Variants in WNK1 observed in about 807,000 individuals in gnomAD.
The protein encoded by WNK1 is WNK lysine deficient protein kinase 1, also known as serine/threonine-protein kinase WNK1.
A neutral mutation model predicts 222.8 loss-of-function variants in WNK1; 38 were observed. The ratio of observed to expected loss-of-function variants is 0.17; its 90% CI spans 0.13 to 0.22. The LOEUF (loss-of-function observed/expected upper bound fraction) is 0.22, where lower values mean the gene tolerates loss of function less well. WNK1 is among the 10% of genes least tolerant of loss of function. The pLI is 1.00. For synonymous variants in WNK1, 1,090 were observed against 1,092.9 expected, an observed-to-expected ratio of 1.00 and a Z score of 0.05; for missense variants, 2,348 against 2,918.4, an observed-to-expected ratio of 0.80 and a Z score of 4.50.
intron 10 of WNK1, 96 bp from the exon 11 acceptor site, chr12:879,477 T>TTTTTTTTGGC: frequency 2.6e-6 from 2 of 782,210 alleles, no homozygotes; most frequent in Non-Finnish European, 3.8e-6. Flanking sequence ...TTCCTTCTTT[T>TTTTTTTTGGC]TGGCTAATAC....
At position 785,760 on chromosome 12, in the gene WNK1, T is replaced by A. The variant is rs1472151410; in HGVS notation, c.760-27882T>A. Reference sequence around the variant, plus strand: ...TTACTGATTTTAGTTGCTCTTTAATTTTATTTATTTATTTTTTTGCTTCCC... The same window carrying A: ...TTACTGATTTTAGTTGCTCTTTAATATTATTTATTTATTTTTTTGCTTCCC... On this transcript the variant is annotated intron_variant, in intron 1 of 27. Coordinates refer to ENST00000315939, the MANE Select transcript of WNK1 (RefSeq NM_018979.4). Among the ~76,000 whole-genome samples the A allele has an allele frequency of 2.0e-5, 3 of 152,192 alleles. No individual in the cohort carries two copies. The East Asian group carries it at 5.8e-4, about 29-fold the overall frequency.
At chr12:818,649 C>T (rs1947583231) in intron 2 of WNK1, among the ~76,000 whole-genome samples, 1 of 152,216 alleles carries the variant, frequency 6.6e-6, no homozygotes, top group African/African-American at 2.4e-5. Context: ...CCCTCAGCTC[C>T]TGACAACTAC....
intron 4 of WNK1, among the ~76,000 whole-genome samples, chr12:831,947 A>G (rs1391508702): frequency 6.6e-6 from 1 of 152,168 alleles, no homozygotes; most frequent in Non-Finnish European, 1.5e-5. Flanking sequence ...CGAGAAGCTC[A>G]TAGTATCTCA....
chr12:758,245 C>T (rs182036896), intron 1 of WNK1, among the ~76,000 whole-genome samples: 6 of 145,604 alleles, frequency 4.1e-5, no homozygotes, highest in Admixed American at 3.4e-4. Flanking sequence ...TTATTTTTCT[C>T]TGTCTTTTAT....
At position 753,887 on chromosome 12, in the gene WNK1, C is replaced by G. The variant is rs1451793795; in HGVS notation, c.322C>G (p.Pro108Ala). The G allele has an allele frequency of 6.2e-7, 1 of 1,611,978 alleles. No homozygotes were observed. Among genetic ancestry groups the G allele is most frequent in the Admixed American group, 1.7e-5 (1 of 59,940 alleles). ...TCTTTCCCTGCCCCAGCCCAGCATC[C>G]CCGCGGCTGTCCCGCAGAGTGCTCC... ...LPLSLPQPSI[P>A]AAVPQSAPPE... The change falls in exon 1 of 28, where the codon CCC becomes GCC. Residue 108 changes from proline (P) to alanine (A), a missense_variant. Physicochemically the swap from Pro to Ala is conservative, Grantham distance 27. Coordinates refer to ENST00000315939, the MANE Select transcript of WNK1 (RefSeq NM_018979.4). The surrounding 1 kb of genome is among the most constrained non-coding windows in gnomAD (Gnocchi z 5.2).
intron 8 of WNK1, among the ~76,000 whole-genome samples, chr12:870,408 T>C (rs1952042632): frequency 6.6e-6 from 1 of 152,226 alleles, no homozygotes; most frequent in Non-Finnish European, 1.5e-5. Context: ...ATAGTTAAGC[T>C]GCAGTGGAAT....
intron 3 of WNK1, among the ~76,000 whole-genome samples, chr12:829,650 C>G (rs1948642600): frequency 6.6e-6 from 1 of 152,046 alleles, no homozygotes; most frequent in South Asian, 2.1e-4. Context: ...TGCATAGTGT[C>G]TTTCCTTTTC....
chr12:763,248 G>A (rs983413412), intron 1 of WNK1, among the ~76,000 whole-genome samples: 1 of 147,292 alleles, frequency 6.8e-6, no homozygotes, highest in Admixed American at 6.7e-5. Flanking sequence ...TGTCCCATTC[G>A]AGATTTCATC....
chr12:792,791 T>A (rs1045984239), intron 1 of WNK1, among the ~76,000 whole-genome samples: 1 of 152,136 alleles, frequency 6.6e-6, no homozygotes, highest in Non-Finnish European at 1.5e-5. Context: ...TTCCAATTCT[T>A]CATGCTTTTA....
chr12:882,029 T>G lies in WNK1; in HGVS notation c.3328T>G (p.Ser1110Ala). The part of the protein sequence containing the change: ...RHYRKSVRSR[S>A]RHEKTSRPKL... ...TTACCGAAAATCTGTAAGGAGTCGC[T>G]CTCGACATGAAAAAACTTCACGCCC... The change falls in exon 14 of 28, where the codon TCT becomes GCT. Residue 1110 changes from serine (S) to alanine (A), a missense_variant. Transcript: ENST00000315939. 1 of 1,614,020 alleles carries G rather than the reference T, an allele frequency of 6.2e-7. No individual in the cohort carries two copies. The highest frequency in any genetic ancestry group is 8.5e-7 in the Non-Finnish European group (1 of 1,179,972).
chr12:894,496 C>G (rs1400037679), intron 22 of WNK1, 66 bp from the exon 23 acceptor site: 34 of 1,387,960 alleles, frequency 2.4e-5, no homozygotes, highest in Non-Finnish European at 1.1e-5. Flanking sequence ...GTATTTCTAG[C>G]TAAAGGGAAA....
intron 9 of WNK1, among the ~76,000 whole-genome samples, chr12:876,048 GT>G (rs1208560504): frequency 6.6e-6 from 1 of 152,228 alleles, no homozygotes; most frequent in East Asian, 1.9e-4. Flanking sequence ...GTTTATCTTA[GT>G]TTGCAGAAAA....
chr12:771,295 C>T (rs1314232540), intron 1 of WNK1, among the ~76,000 whole-genome samples: 2 of 151,970 alleles, frequency 1.3e-5, no homozygotes, highest in Non-Finnish European at 1.5e-5. Flanking sequence ...CTATGCCCGG[C>T]GCTTTATATT....
Position 879,876 on chromosome 12 carries a change from C to G in WNK1, c.2677C>G (p.Pro893Ala), listed in dbSNP as rs1206597194. 1.9e-6 allele frequency: 3 copies of G among 1,614,046 alleles called. No individual in the cohort carries two copies. The African/African-American group carries it at 4.0e-5, about 22-fold the overall frequency. ...GATCCCGGGGGTATCAACTGTGGTT[C>G]CTAGTCAGCTTCCAACCCTTCTGCA... ...AAIPGVSTVV[P>A]SQLPTLLQPV... The change falls in exon 11 of 28, where the codon CCT (proline) becomes GCT (alanine). Residue 893 changes from proline (P) to alanine (A), a missense_variant. Coordinates refer to ENST00000315939, the MANE Select transcript of WNK1 (RefSeq NM_018979.4).
Position 885,005 on chromosome 12 carries a change from C to G in WNK1, c.4201C>G (p.Pro1401Ala), listed in dbSNP as rs774176953. ...GVVTSGGLPIPPVSESPVLSS... is the reference protein window; with the variant it reads ...GVVTSGGLPIAPVSESPVLSS... ...GGTAACTTCAGGTGGTCTCCCCATA[C>G]CACCTGTGTCTGAATCACCAGTACT... The change falls in exon 19 of 28, where the codon CCA becomes GCA. Residue 1401 changes from proline (P) to alanine (A), a missense_variant. Coordinates refer to ENST00000315939, the MANE Select transcript of WNK1 (RefSeq NM_018979.4). 4 of 1,614,200 alleles carry G rather than the reference C, an allele frequency of 2.5e-6. No individual in the cohort carries two copies. The South Asian group carries it at 3.3e-5, about 13-fold the overall frequency.
At chr12:797,046 A>T (rs1022953173) in intron 1 of WNK1, among the ~76,000 whole-genome samples, 3 of 152,148 alleles carry the variant, frequency 2.0e-5, no homozygotes, top group African/African-American at 7.2e-5. Context: ...AACAATTCCC[A>T]GACTTTATTT....
Position 865,057 on chromosome 12 carries a change from AT to A in WNK1, c.2139+2791del, listed in dbSNP as rs1387489049. On this transcript the variant is annotated intron_variant, in intron 8 of 27. Coordinates refer to ENST00000315939, the MANE Select transcript of WNK1 (RefSeq NM_018979.4). ...CCCTGTTATCATTGTACTTTTGTTT[AT>A]TTTGTTTTCACAGTACTGTGTTTTT... The A allele has an allele frequency of 4.9e-6, 7 of 1,437,786 alleles. No homozygotes were observed. In the Admixed American group the frequency reaches 1.3e-4, roughly 26 times the overall value. 89.1% of individuals were successfully genotyped at this position (1,437,786 alleles called of 1,614,324 possible). A position where few individuals can be genotyped will look rare whatever the true frequency, so the allele number is the denominator to read the frequency against.
At chr12:767,249 T>G (rs1191399066) in intron 1 of WNK1, among the ~76,000 whole-genome samples, 2 of 124,014 alleles carry the variant, frequency 1.6e-5, no homozygotes, top group African/African-American at 3.4e-5. Context: ...TTTTTTTTTT[T>G]TTTTTTTTTT....
chr12:777,314 C>T (rs1000483580), intron 1 of WNK1, among the ~76,000 whole-genome samples: 39 of 152,028 alleles, frequency 2.6e-4, no homozygotes, highest in African/African-American at 7.5e-4. Flanking sequence ...TGCACGCCAC[C>T]ACGCCCAGCT....
Sources: gnomAD v4.1 joint callset for allele counts (sites outside exome capture counted in the v4.1 genomes callset) on GRCh38, gnomAD v4.1.1 for gene constraint, Gnocchi (gnomAD v3.1) non-coding constraint, MANE v1.5 for transcripts, NCBI Gene and HGNC (gene_info 2026-07-23, HGNC 2026-07-21) for gene names.